The following PCDH7 variants were observed in gnomAD, a reference collection of about 807,000 sequenced individuals.
PCDH7 encodes protocadherin-7.
A neutral mutation model predicts 58.9 loss-of-function variants in PCDH7; 17 were observed. The ratio of observed to expected loss-of-function variants is 0.29; its 90% CI spans 0.20 to 0.43. The LOEUF is 0.43. PCDH7 is among the 20% of genes least tolerant of loss of function. The pLI, the probability that PCDH7 is intolerant of heterozygous loss-of-function variation, is 1.00. For synonymous variants in PCDH7, 664 were observed against 616.4 expected (o/e 1.08, Z -1.14); for missense variants, 1,274 against 1,441.0 (o/e 0.88, Z 1.88).
At chr4:30,844,380 T>G (rs1731639976) in intron 1 of PCDH7, among the ~76,000 whole-genome samples, 1 of 152,198 alleles carries the variant, frequency 6.6e-6, no homozygotes, top group African/African-American at 2.4e-5. Context: ...TCTTGTATAC[T>G]TAGCTATAAT....
chr4:31,078,257 G>A (rs765893519), intron 3 of PCDH7, among the ~76,000 whole-genome samples: 21 of 151,958 alleles, frequency 1.4e-4, no homozygotes, highest in African/African-American at 4.6e-4. Flanking sequence ...ACATCTACCA[G>A]ACTCAAAGTA....
At chr4:31,057,892 C>A (rs564750940) in intron 3 of PCDH7, among the ~76,000 whole-genome samples, 1 of 152,158 alleles carries the variant, frequency 6.6e-6, no homozygotes, top group African/African-American at 2.4e-5. Context: ...GGAATATGTA[C>A]ATATTCTTTC....
intron 1 of PCDH7, among the ~76,000 whole-genome samples, chr4:30,883,989 G>T (rs1182447238): frequency 6.6e-6 from 1 of 152,054 alleles, no homozygotes; most frequent in African/African-American, 2.4e-5. Context: ...CTCTCCTTTT[G>T]TAACTTTTAA....
chr4:31,081,773 TC>T (rs1711523361), intron 3 of PCDH7, among the ~76,000 whole-genome samples: 1 of 145,810 alleles, frequency 6.9e-6, no homozygotes, highest in Non-Finnish European at 1.5e-5. Flanking sequence ...TTTTTTAATT[TC>T]TTTTTTTTTT....
At chr4:31,055,853 A>T (rs1230134780) in intron 3 of PCDH7, among the ~76,000 whole-genome samples, 1 of 152,132 alleles carries the variant, frequency 6.6e-6, no homozygotes, top group Non-Finnish European at 1.5e-5. Flanking sequence ...CTAGGATTAC[A>T]GGCCATATAA....
At chr4:30,742,743 G>A (rs1472143737) in intron 1 of PCDH7, among the ~76,000 whole-genome samples, 2 of 152,128 alleles carry the variant, frequency 1.3e-5, no homozygotes, top group African/African-American at 4.8e-5. Context: ...CACTTGAGCT[G>A]TGAATTTTGT....
At chr4:31,075,276 G>A (rs1370239872) in intron 3 of PCDH7, among the ~76,000 whole-genome samples, 6 of 152,054 alleles carry the variant, frequency 3.9e-5, no homozygotes, top group Admixed American at 1.3e-4. Context: ...TAATTTTGGG[G>A]ATGACATAGT....
chr4:31,119,410 G>C (rs1411723271), intron 3 of PCDH7, among the ~76,000 whole-genome samples: 1 of 152,030 alleles, frequency 6.6e-6, no homozygotes, highest in Non-Finnish European at 1.5e-5. Flanking sequence ...TCTATATAAA[G>C]TTTTTACCAA....
chr4:30,763,931 A>G (rs1302399421), intron 1 of PCDH7, among the ~76,000 whole-genome samples: 1 of 152,184 alleles, frequency 6.6e-6, no homozygotes, highest in East Asian at 1.9e-4. Context: ...TGAGCAACTG[A>G]AAGAGGTGCT....
exon 2 of PCDH7, chr4:30,730,850 C>A: frequency 6.6e-7 from 1 of 1,523,802 alleles, no homozygotes; most frequent in Non-Finnish European, 8.8e-7. Context: ...TACTCCGAAA[C>A]CTGCTGGAGC....
intron 1 of PCDH7, among the ~76,000 whole-genome samples, chr4:30,770,718 C>T (rs1303299970): frequency 6.6e-6 from 1 of 151,966 alleles, no homozygotes; most frequent in African/African-American, 2.4e-5. Flanking sequence ...ATGCAACTTC[C>T]CCATTAAAAA....
chr4:30,838,484 C>T (rs1730791842), intron 1 of PCDH7, among the ~76,000 whole-genome samples: 1 of 151,972 alleles, frequency 6.6e-6, no homozygotes, highest in South Asian at 2.1e-4. Context: ...TTCTCAAACA[C>T]ATTTTAAAGG....
intron 3 of PCDH7, among the ~76,000 whole-genome samples, chr4:31,029,979 T>A (rs1368639117): frequency 6.6e-6 from 1 of 152,040 alleles, no homozygotes; most frequent in Non-Finnish European, 1.5e-5. Context: ...TTCTAACAAG[T>A]CTTGAAGAAA....
chr4:30,781,209 G>A (rs1257538389), intron 1 of PCDH7, among the ~76,000 whole-genome samples: 1 of 151,524 alleles, frequency 6.6e-6, no homozygotes, highest in Non-Finnish European at 1.5e-5. Flanking sequence ...TCCAACCCAA[G>A]GCGTTCTTCT....
chr4:30,780,747 C>T (rs1201736563), intron 1 of PCDH7, among the ~76,000 whole-genome samples: 1 of 152,020 alleles, frequency 6.6e-6, no homozygotes, highest in Non-Finnish European at 1.5e-5. Flanking sequence ...TGAGGATGTT[C>T]AGAACAGCCT....
intron 3 of PCDH7, among the ~76,000 whole-genome samples, chr4:31,116,039 TC>T (rs1218757047): frequency 3.3e-5 from 5 of 152,186 alleles, no homozygotes; most frequent in African/African-American, 1.2e-4. Flanking sequence ...TATATTAAAA[TC>T]CCTGTCTATA....
chr4:30,971,010 A>G (rs748959237), intron 3 of PCDH7, among the ~76,000 whole-genome samples: 5 of 152,228 alleles, frequency 3.3e-5, no homozygotes, highest in Non-Finnish European at 4.4e-5. Context: ...CGTGCAGCTC[A>G]GTAGGATAAT....
intron 1 of PCDH7, among the ~76,000 whole-genome samples, chr4:30,854,674 G>A (rs1733229730): frequency 2.6e-5 from 4 of 151,918 alleles, no homozygotes; most frequent in Admixed American, 2.6e-4. Flanking sequence ...AAAATTGTTT[G>A]CAGCAAAAGC....
chr4:30,919,384 G>A (rs1373056345), intron 1 of PCDH7, among the ~76,000 whole-genome samples: 1 of 152,086 alleles, frequency 6.6e-6, no homozygotes, highest in African/African-American at 2.4e-5. Flanking sequence ...CAGTAACATA[G>A]TAAATTGTGG....
Sources: gnomAD v4.1 joint callset for allele counts (sites outside exome capture counted in the v4.1 genomes callset) on GRCh38, gnomAD v4.1.1 for gene constraint, MANE v1.5 for transcripts, NCBI Gene and HGNC (gene_info 2026-07-23, HGNC 2026-07-21) for gene names.